MAF: variants seen among roughly 807,000 people sequenced by gnomAD.
The protein encoded by MAF is MAF bZIP transcription factor, also known as transcription factor Maf.
MAF carries 10 observed loss-of-function variants against 22.0 expected under a neutral mutation model. The observed-to-expected ratio is 0.45, with a 90% CI of 0.28 to 0.77. The LOEUF (loss-of-function observed/expected upper bound fraction) is 0.77. Ranked by LOEUF, MAF falls within the 30% of genes least tolerant of loss-of-function variation. MAF has a pLI of 0.12. For missense variants in MAF, 544 were observed against 548.4 expected, an observed-to-expected ratio of 0.99 and a Z score of 0.08; for synonymous variants, 337 against 255.8, an observed-to-expected ratio of 1.32 and a Z score of -3.03.
chr16:79,438,355 G>A, the MAF span, among the ~76,000 whole-genome samples: 8 of 152,192 alleles, frequency 5.3e-5, no homozygotes, highest in African/African-American at 1.9e-4. Flanking sequence ...GGATTAGGTG[G>A]CTCTTAGGCT....
At chr16:79,516,375 A>G in the MAF span, 1 of 152,330 alleles carries the variant, frequency 6.6e-6, no homozygotes, top group Non-Finnish European at 1.5e-5. Context: ...GGCGAAGGGG[A>G]AAACTGCTGT....
the MAF span, among the ~76,000 whole-genome samples, chr16:79,298,566 G>C: frequency 1.3e-5 from 2 of 152,182 alleles, no homozygotes; most frequent in South Asian, 4.1e-4. Flanking sequence ...CTCTCTTCCA[G>C]CCAGGTTAAG....
the MAF span, among the ~76,000 whole-genome samples, chr16:79,512,619 C>G: frequency 0.012 from 1,760 of 152,158 alleles, 10 homozygotes; most frequent in South Asian, 0.017. Context: ...ATTATGAATC[C>G]TAGGAAGGTG....
chr16:79,335,199 AG>A, the MAF span, among the ~76,000 whole-genome samples: 1 of 150,612 alleles, frequency 6.6e-6, no homozygotes, highest in African/African-American at 2.4e-5. Context: ...AAAAAAAAAA[AG>A]AAAGAAAAAG....
chr16:79,215,591 G>C, the MAF span, among the ~76,000 whole-genome samples: 537 of 152,242 alleles, frequency 3.5e-3, 2 homozygotes, highest in Non-Finnish European at 6.2e-3. Context: ...CTCCTCTGTG[G>C]ATCCTGCAGG....
the MAF span, among the ~76,000 whole-genome samples, chr16:79,357,321 G>A: frequency 3.3e-5 from 5 of 151,840 alleles, no homozygotes; most frequent in Non-Finnish European, 7.4e-5. Flanking sequence ...GTGGTGGCGG[G>A]CGCCTGTAAT....
chr16:79,203,607 G>T, the MAF span: 1 of 149,206 alleles, frequency 6.7e-6, no homozygotes, highest in East Asian at 2.1e-4. Flanking sequence ...CAGCTTGTTT[G>T]TGGTTCGTCC....
the MAF span, among the ~76,000 whole-genome samples, chr16:79,414,908 T>C: frequency 6.6e-6 from 1 of 152,212 alleles, no homozygotes; most frequent in African/African-American, 2.4e-5. Flanking sequence ...TGTTCAAATC[T>C]TATGGGATTT....
the MAF span, among the ~76,000 whole-genome samples, chr16:79,397,864 T>C: frequency 6.6e-6 from 1 of 152,336 alleles, no homozygotes; most frequent in Admixed American, 6.5e-5. Flanking sequence ...GTGCTGCTGA[T>C]TCTACCTACC....
the MAF span, chr16:79,211,713 G>A: frequency 1.2e-6 from 2 of 1,614,224 alleles, no homozygotes; most frequent in East Asian, 2.2e-5. Flanking sequence ...CTCACCAGAA[G>A]CTCAGAGCGA....
chr16:79,211,472 AC>A, the MAF span: 4 of 1,084,862 alleles, frequency 3.7e-6, no homozygotes, highest in South Asian at 4.0e-5. Flanking sequence ...TCAGCCCAGT[AC>A]CCTTTGCTAT....
At chr16:79,565,424 C>T in the MAF span, among the ~76,000 whole-genome samples, 1 of 152,166 alleles carries the variant, frequency 6.6e-6, no homozygotes, top group East Asian at 1.9e-4. Flanking sequence ...CCCTTACCTC[C>T]CTTTCACTCA....
chr16:79,267,707 T>C, the MAF span, among the ~76,000 whole-genome samples: 1 of 152,148 alleles, frequency 6.6e-6, no homozygotes, highest in Non-Finnish European at 1.5e-5. Flanking sequence ...TGAAATGAGA[T>C]TAAGATGAAC....
chr16:79,325,596 C>T, the MAF span, among the ~76,000 whole-genome samples: 52 of 135,168 alleles, frequency 3.8e-4, no homozygotes, highest in South Asian at 0.012. Flanking sequence ...TACCCAGACA[C>T]AAACACACAC....
chr16:79,594,483 G>T lies in MAF; in HGVS notation c.1189C>A (p.Leu397Ile). 6.4e-7 allele frequency: 1 copy of T among 1,563,486 alleles called. No homozygotes were observed. The highest frequency in any genetic ancestry group is 1.2e-5 in the South Asian group (1 of 85,062). ...TTTCATTTTGTGAACACACTGGTAA[G>T]TACACGATGCTGGGGCTTCCAAAAT... ...ATFWKPQHRV[L>I]TSVFTK The change falls in exon 2 of 2, where the codon CTT becomes ATT. Residue 397 changes from leucine (L) to isoleucine (I), a missense_variant. Leu to Ile is a conservative substitution (Grantham distance 5). Around this residue, in one of 5 missense-constraint regions of MAF, gnomAD observed 129 missense variants for 113.6 expected, o/e 1.14. Coordinates refer to ENST00000326043, the MANE Select transcript of MAF (RefSeq NM_005360.5).
downstream of MAF, among the ~76,000 whole-genome samples, chr16:79,584,498 T>G: frequency 6.6e-6 from 1 of 152,238 alleles, no homozygotes; most frequent in East Asian, 1.9e-4. Context: ...TTCCCACCAG[T>G]AACCTTATAT....
At chr16:79,446,009 C>T in the MAF span, among the ~76,000 whole-genome samples, 1 of 151,502 alleles carries the variant, frequency 6.6e-6, no homozygotes, top group Non-Finnish European at 1.5e-5. Flanking sequence ...CATGAAGTGT[C>T]AGTAACCTGG....
At chr16:79,524,470 T>G in the MAF span, among the ~76,000 whole-genome samples, 1 of 152,204 alleles carries the variant, frequency 6.6e-6, no homozygotes, top group Non-Finnish European at 1.5e-5. Flanking sequence ...GAGCTCGGCA[T>G]GAGATCCCAA....
the MAF span, among the ~76,000 whole-genome samples, chr16:79,573,316 GT>G: frequency 2.0e-5 from 3 of 152,164 alleles, no homozygotes; most frequent in African/African-American, 7.2e-5. Flanking sequence ...CAGCATTTGG[GT>G]TTTACATCAG....
Sources: gnomAD v4.1 joint callset for allele counts (sites outside exome capture counted in the v4.1 genomes callset) on GRCh38, gnomAD v4.1.1 for gene constraint, gnomAD v4.1.1 regional missense constraint, MANE v1.5 for transcripts, NCBI Gene and HGNC (gene_info 2026-07-23, HGNC 2026-07-21) for gene names.